The following NAALADL2 variants were observed in gnomAD, a reference collection of about 807,000 sequenced individuals.
NAALADL2 encodes N-acetylated alpha-linked acidic dipeptidase like 2.
Under a neutral mutation model 87.2 loss-of-function variants are expected in NAALADL2, and 76 were observed. The observed-to-expected ratio is 0.87, with a 90% CI of 0.72 to 1.05. The LOEUF (loss-of-function observed/expected upper bound fraction) is 1.05, where lower values mean the gene tolerates loss of function less well. NAALADL2 is among the 50% of genes least tolerant of loss of function. The probability of loss-of-function intolerance (pLI) is 0.00; values close to 1 mark genes in which losing one functional copy is unlikely to be tolerated. For synonymous variants in NAALADL2, 354 were observed against 331.0 expected (o/e 1.07, Z -0.75); for missense variants, 1,089 against 945.8 (o/e 1.15, Z -1.99).
chr3:174,853,201 C>CAAAAAAAAAAAAA (rs34303846), intron 3 of NAALADL2, among the ~76,000 whole-genome samples: 4 of 45,624 alleles, frequency 8.8e-5, no homozygotes, highest in South Asian at 9.5e-4. Flanking sequence ...CCGTCTCTAC[C>CAAAAAAAAAAAAA]AAAAAAAAAA....
intron 2 of NAALADL2, among the ~76,000 whole-genome samples, chr3:175,216,668 C>CTTTTTTTTTT (rs3067029): frequency 7.1e-4 from 62 of 87,310 alleles, no homozygotes; most frequent in East Asian, 5.4e-3. Flanking sequence ...TTTTTCTTTT[C>CTTTTTTTTTT]TTTTTTTTTT....
chr3:174,579,939 G>A (rs1331131886), intron 2 of NAALADL2, among the ~76,000 whole-genome samples: 1 of 151,720 alleles, frequency 6.6e-6, no homozygotes, highest in African/African-American at 2.4e-5. Context: ...CATATACCTT[G>A]TTCTACTTTG....
intron 9 of NAALADL2, among the ~76,000 whole-genome samples, chr3:175,554,491 T>C (rs1714941562): frequency 6.6e-6 from 1 of 152,150 alleles, no homozygotes. Context: ...TCCCTACTTA[T>C]ATAATATATT....
intron 2 of NAALADL2, among the ~76,000 whole-genome samples, chr3:174,706,076 A>C (rs892768000): frequency 7.2e-5 from 11 of 152,222 alleles, no homozygotes; most frequent in Non-Finnish European, 1.3e-4. Context: ...AGTGCTTGCT[A>C]TCTGAAATAA....
intron 3 of NAALADL2, among the ~76,000 whole-genome samples, chr3:174,836,265 A>G (rs942089068): frequency 2.6e-4 from 40 of 152,274 alleles, no homozygotes; most frequent in African/African-American, 9.1e-4. Flanking sequence ...TTCCACTTAC[A>G]TAGGTACCTA....
chr3:174,773,159 C>T (rs1714791288), intron 3 of NAALADL2, among the ~76,000 whole-genome samples: 2 of 152,064 alleles, frequency 1.3e-5, no homozygotes, highest in South Asian at 4.1e-4. Flanking sequence ...AAGGATGGGT[C>T]TTGAGAAGTC....
At chr3:175,674,605 C>T (rs1734509654) in intron 11 of NAALADL2, among the ~76,000 whole-genome samples, 2 of 152,040 alleles carry the variant, frequency 1.3e-5, no homozygotes, top group South Asian at 4.1e-4. Context: ...CTACTTACCA[C>T]CAGTTTTACT....
intron 2 of NAALADL2, among the ~76,000 whole-genome samples, chr3:175,213,257 T>A (rs928160875): frequency 9.2e-5 from 14 of 151,998 alleles, no homozygotes; most frequent in African/African-American, 3.4e-4. Context: ...AGATTAGCAA[T>A]GAAAATAGAG....
chr3:175,138,315 G>A (rs1262750440), intron 2 of NAALADL2, among the ~76,000 whole-genome samples: 1 of 152,120 alleles, frequency 6.6e-6, no homozygotes, highest in African/African-American at 2.4e-5. Context: ...TAAGTCATAG[G>A]CAATCTCCTA....
At chr3:174,454,086 G>T (rs897749194) in intron 1 of NAALADL2, among the ~76,000 whole-genome samples, 1 of 152,044 alleles carries the variant, frequency 6.6e-6, no homozygotes, top group Non-Finnish European at 1.5e-5. Context: ...AACCAGAAAG[G>T]AGAGGTTACC....
intron 9 of NAALADL2, among the ~76,000 whole-genome samples, chr3:175,536,514 T>C (rs1301294846): frequency 3.3e-5 from 5 of 152,190 alleles, no homozygotes; most frequent in Non-Finnish European, 7.3e-5. Flanking sequence ...CAATTTATCA[T>C]GTATTTACTA....
rs899747965 is a variant in NAALADL2, at chr3:175,614,331, G to C, written c.1801-12960G>C. ...CTCCCAAAGTGCTGAGATGATAGGC[G>C]TGAGCCACCACCCTCGGCCTGGCGT... On this transcript the variant is annotated intron_variant, in intron 10 of 13. Coordinates refer to ENST00000454872, the MANE Select transcript of NAALADL2 (RefSeq NM_207015.3). Among the ~76,000 whole-genome samples, 3 of 152,212 alleles carry C rather than the reference G, an allele frequency of 2.0e-5. No individual in the cohort carries two copies. The South Asian group carries it at 6.2e-4, about 32-fold the overall frequency.
At chr3:175,779,512 T>A (rs540755564) in intron 13 of NAALADL2, among the ~76,000 whole-genome samples, 78 of 152,098 alleles carry the variant, frequency 5.1e-4, no homozygotes, top group African/African-American at 1.8e-3. Context: ...GCAAAAATTA[T>A]AATGTATTCT....
At chr3:174,949,886 T>C (rs1015789151) in intron 1 of NAALADL2, among the ~76,000 whole-genome samples, 1 of 152,168 alleles carries the variant, frequency 6.6e-6, no homozygotes, top group Admixed American at 6.5e-5. Flanking sequence ...AACTATCCAT[T>C]CCCAGATTCT....
intron 11 of NAALADL2, among the ~76,000 whole-genome samples, chr3:175,641,475 G>A (rs1370060888): frequency 6.6e-6 from 1 of 152,130 alleles, no homozygotes; most frequent in Non-Finnish European, 1.5e-5. Context: ...TTCAGAGGCT[G>A]GGTCATAGTT....
chr3:175,216,638 CA>C (rs1316268338), intron 2 of NAALADL2, among the ~76,000 whole-genome samples: 1 of 147,290 alleles, frequency 6.8e-6, no homozygotes, highest in Non-Finnish European at 1.5e-5. Flanking sequence ...CAGATGTTGA[CA>C]AGCAATTTTT....
At chr3:175,704,096 G>A (rs1304177830) in intron 11 of NAALADL2, among the ~76,000 whole-genome samples, 1 of 152,082 alleles carries the variant, frequency 6.6e-6, no homozygotes, top group Non-Finnish European at 1.5e-5. Flanking sequence ...TTTTCCAAAT[G>A]TCTTCTCCCT....
chr3:174,547,167 C>T (rs2108482232), intron 1 of NAALADL2, among the ~76,000 whole-genome samples: 1 of 151,784 alleles, frequency 6.6e-6, no homozygotes, highest in Middle Eastern at 3.4e-3. Flanking sequence ...TCATGTTGGC[C>T]CAATTAGAAT....
intron 1 of NAALADL2, among the ~76,000 whole-genome samples, chr3:175,083,685 A>C (rs949929641): frequency 6.6e-6 from 1 of 152,136 alleles, no homozygotes; most frequent in Admixed American, 6.6e-5. Flanking sequence ...CTTTAATTTA[A>C]TATTTAACTT....
Sources: gnomAD v4.1 joint callset for allele counts (sites outside exome capture counted in the v4.1 genomes callset) on GRCh38, gnomAD v4.1.1 for gene constraint, MANE v1.5 for transcripts, NCBI Gene and HGNC (gene_info 2026-07-23, HGNC 2026-07-21) for gene names.